The following CFAP263 variants were observed in gnomAD, a reference collection of about 807,000 sequenced individuals.
CFAP263 encodes cilia- and flagella-associated protein 263.
At chr16:58,259,778 A>G in the CFAP263 span, 1,230 of 932,916 alleles carry the variant, frequency 1.3e-3, 7 homozygotes, top group African/African-American at 0.018. Flanking sequence ...CAGCCCCAGA[A>G]CCATCCACTT....
the CFAP263 span, chr16:58,278,421 T>G: frequency 1.3e-6 from 2 of 1,505,962 alleles, no homozygotes; most frequent in Non-Finnish European, 9.2e-7. Flanking sequence ...GCAGGGCCAG[T>G]GAGTTCTCAA....
chr16:58,278,498 A>G, the CFAP263 span: 18 of 1,614,138 alleles, frequency 1.1e-5, no homozygotes, highest in Non-Finnish European at 1.5e-5. Flanking sequence ...GCCAAAGCCG[A>G]GGCAGTGAAT....
the CFAP263 span, among the ~76,000 whole-genome samples, chr16:58,264,295 C>T: frequency 5.3e-4 from 81 of 152,318 alleles, no homozygotes; most frequent in Middle Eastern, 3.4e-3. Context: ...AGCACAGGGC[C>T]TGCCTGGTCC....
chr16:58,266,683 C>T, the CFAP263 span, among the ~76,000 whole-genome samples: 1 of 151,898 alleles, frequency 6.6e-6, no homozygotes, highest in Non-Finnish European at 1.5e-5. Context: ...TTGGCCCACT[C>T]CTCTGCCCAG....
chr16:58,280,379 T>C, the CFAP263 span: 2 of 1,614,204 alleles, frequency 1.2e-6, no homozygotes, highest in Non-Finnish European at 1.7e-6. Context: ...TCAGGAGACC[T>C]GCCTGATTCC....
chr16:58,256,311 A>G, the CFAP263 span, among the ~76,000 whole-genome samples: 10 of 152,332 alleles, frequency 6.6e-5, no homozygotes, highest in Non-Finnish European at 1.3e-4. Flanking sequence ...CAATGTGAGC[A>G]TCAAGTGCAG....
At chr16:58,257,834 G>A in the CFAP263 span, among the ~76,000 whole-genome samples, 9 of 152,146 alleles carry the variant, frequency 5.9e-5, no homozygotes, top group African/African-American at 1.9e-4. Context: ...TTGGCCAGGC[G>A]CGGTGGCTCA....
the CFAP263 span, among the ~76,000 whole-genome samples, chr16:58,270,909 C>T: frequency 5.3e-5 from 8 of 152,118 alleles, no homozygotes; most frequent in African/African-American, 1.9e-4. Flanking sequence ...TACTATCTGG[C>T]GTTTCTTATG....
the CFAP263 span, among the ~76,000 whole-genome samples, chr16:58,273,502 T>G: frequency 1.4e-4 from 22 of 152,236 alleles, no homozygotes; most frequent in Admixed American, 1.4e-3. Flanking sequence ...GTCATCATAT[T>G]GAAAAGATTC....
the CFAP263 span, among the ~76,000 whole-genome samples, chr16:58,255,264 A>G: frequency 6.6e-6 from 1 of 152,206 alleles, no homozygotes; most frequent in African/African-American, 2.4e-5. Context: ...GAGGAGCAGA[A>G]GCAATTGTCG....
At chr16:58,265,251 G>A in the CFAP263 span, among the ~76,000 whole-genome samples, 1 of 152,242 alleles carries the variant, frequency 6.6e-6, no homozygotes, top group African/African-American at 2.4e-5. Context: ...CAATGATTCG[G>A]TTATACTGTA....
chr16:58,280,274 C>A, the CFAP263 span: 2 of 1,613,992 alleles, frequency 1.2e-6, no homozygotes, highest in South Asian at 1.1e-5. Flanking sequence ...AAGATGATTT[C>A]TTCGGGCTGA....
At chr16:58,278,567 G>C in the CFAP263 span, 6 of 1,612,508 alleles carry the variant, frequency 3.7e-6, no homozygotes, top group Non-Finnish European at 5.1e-6. Context: ...ACTTACGTCC[G>C]GGAGAAGATC....
At chr16:58,264,554 G>A in the CFAP263 span, among the ~76,000 whole-genome samples, 1 of 152,176 alleles carries the variant, frequency 6.6e-6, no homozygotes, top group Admixed American at 6.5e-5. Flanking sequence ...GCTGCGGGAG[G>A]TGCTTCATCT....
the CFAP263 span, among the ~76,000 whole-genome samples, chr16:58,268,470 C>T: frequency 6.6e-6 from 1 of 152,210 alleles, no homozygotes; most frequent in Non-Finnish European, 1.5e-5. Flanking sequence ...AATAGATCTA[C>T]TGCCCTTGTT....
At chr16:58,273,922 A>G in the CFAP263 span, among the ~76,000 whole-genome samples, 8 of 152,148 alleles carry the variant, frequency 5.3e-5, no homozygotes, top group South Asian at 1.2e-3. Context: ...TTCTCCTCAC[A>G]TGGTACAGCC....
chr16:58,281,037 C>G, the CFAP263 span: 2 of 397,198 alleles, frequency 5.0e-6, no homozygotes, highest in South Asian at 9.5e-5. Context: ...AGTCCTTTGG[C>G]CAAACCTTCC....
chr16:58,278,251 TGAAA>T, the CFAP263 span, among the ~76,000 whole-genome samples: 1 of 125,474 alleles, frequency 8.0e-6, no homozygotes, highest in Middle Eastern at 4.1e-3. Context: ...AGAAAAGGAA[TGAAA>T]GAAACAAGAC....
the CFAP263 span, chr16:58,279,637 T>C: frequency 1.4e-6 from 2 of 1,425,328 alleles, no homozygotes; most frequent in Non-Finnish European, 1.9e-6. Context: ...CAAGTGACTT[T>C]CTCCCCCATC....
Sources: gnomAD v4.1 joint callset for allele counts (sites outside exome capture counted in the v4.1 genomes callset) on GRCh38, gnomAD v4.1.1 for gene constraint, MANE v1.5 for transcripts, NCBI Gene and HGNC (gene_info 2026-07-23, HGNC 2026-07-21) for gene names.